The following ZFP1 variants were observed in gnomAD, a reference collection of about 807,000 sequenced individuals.
The protein encoded by ZFP1 is ZFP1 zinc finger protein.
A neutral mutation model predicts 38.5 loss-of-function variants in ZFP1; 32 were observed. The ratio of observed to expected loss-of-function variants is 0.83; its 90% CI spans 0.63 to 1.12. ZFP1 has a LOEUF of 1.12. Ranked by LOEUF, ZFP1 falls within the 50% of genes most tolerant of loss-of-function variation. The pLI is 0.00. For synonymous variants in ZFP1, 245 were observed against 168.8 expected, an observed-to-expected ratio of 1.45 and a Z score of -3.50; for missense variants, 616 against 480.8, an observed-to-expected ratio of 1.28 and a Z score of -2.63.
rs188011665 is a variant in ZFP1 at position 75,155,605 on chromosome 16, C to T, written c.15+2639C>T. Among the ~76,000 whole-genome samples, 596 of 152,110 alleles carry T rather than the reference C, an allele frequency of 3.9e-3. 3 individuals carry two copies. The highest frequency in any genetic ancestry group is 0.014 in the African/African-American group (572 of 41,490). The stretch of plus-strand genomic sequence containing the variant: ...AAATGTGTTATAACAACATATATAA[C>T]AAATATATATGCATTAAAGAATAAT... On this transcript the variant is annotated intron_variant, in intron 2 of 3. Transcript: ENST00000570010.
At chr16:75,168,184 G>C (rs917556746) in intron 3 of ZFP1, among the ~76,000 whole-genome samples, 1 of 151,736 alleles carries the variant, frequency 6.6e-6, no homozygotes, top group African/African-American at 2.4e-5. Flanking sequence ...ATTGCTATGT[G>C]AAAGGGTAGT....
chr16:75,132,983 C>CTT, the ZFP1 span, among the ~76,000 whole-genome samples: 1 of 140,146 alleles, frequency 7.1e-6, no homozygotes, highest in African/African-American at 2.6e-5. Context: ...GATTTTTTAA[C>CTT]TTTTTTTTTT....
At position 75,170,038 on chromosome 16, in the gene ZFP1, A is replaced by C; in HGVS notation, c.928A>C (p.Asn310His). The C allele has an allele frequency of 6.2e-7, 1 of 1,614,212 alleles. No homozygotes were observed. Among genetic ancestry groups the C allele is most frequent in the Non-Finnish European group, 8.5e-7 (1 of 1,180,042 alleles). The change falls in exon 4 of 4, where the codon AAC (asparagine) becomes CAC (histidine). Residue 310 changes from asparagine to histidine, a missense_variant. Coordinates refer to ENST00000570010, the MANE Select transcript of ZFP1 (RefSeq NM_153688.4). ...ECAKTFFKKS[N>H]LIIHQKIHTG... ...TGCAAAAACCTTCTTTAAGAAGTCA[A>C]ACCTTATCATACATCAGAAGATTCA... is the stretch of plus-strand genomic sequence containing the variant.
At chr16:75,148,925 A>AAGGGCTCGGGCCGCGC (rs2037027828) in intron 1 of ZFP1, 1 of 151,914 alleles carries the variant, frequency 6.6e-6, no homozygotes, top group Admixed American at 6.5e-5. Flanking sequence ...ACGGGCGGCG[A>AAGGGCTCGGGCCGCGC]AGGGCTCGGG....
At chr16:75,165,236 C>CTAGT (rs537121673) in intron 2 of ZFP1, among the ~76,000 whole-genome samples, 1 of 152,168 alleles carries the variant, frequency 6.6e-6, no homozygotes, top group East Asian at 1.9e-4. Context: ...AAGGAAAAAT[C>CTAGT]TAGTTAGTTA....
At chr16:75,148,073 A>G (rs2036979038), upstream of ZFP1, among the ~76,000 whole-genome samples, 1 of 152,226 alleles carries the variant, frequency 6.6e-6, no homozygotes, top group South Asian at 2.1e-4. Context: ...AAGGGAAAAA[A>G]GCTAGTTGCA....
upstream of ZFP1, among the ~76,000 whole-genome samples, chr16:75,146,814 C>T (rs1035393313): frequency 4.6e-5 from 7 of 151,870 alleles, no homozygotes; most frequent in Admixed American, 2.6e-4. Context: ...GCTGTGTATG[C>T]CTGTAGTTTT....
the ZFP1 span, among the ~76,000 whole-genome samples, chr16:75,141,522 G>A: frequency 0.018 from 2,705 of 151,910 alleles, 75 homozygotes; most frequent in African/African-American, 0.062. Context: ...GGTCATTCTT[G>A]TCATATCCAA....
At chr16:75,126,086 T>C in the ZFP1 span, 1 of 152,032 alleles carries the variant, frequency 6.6e-6, no homozygotes, top group African/African-American at 2.4e-5. Flanking sequence ...GTTTTCACTG[T>C]ATTTTTTAAA....
intron 1 of ZFP1, among the ~76,000 whole-genome samples, chr16:75,150,237 C>A (rs1487738627): frequency 7.4e-6 from 1 of 134,508 alleles, no homozygotes. Context: ...GAGACAGAGT[C>A]TCGCTCTGTT....
At chr16:75,127,179 C>T in the ZFP1 span, among the ~76,000 whole-genome samples, 1 of 152,158 alleles carries the variant, frequency 6.6e-6, no homozygotes, top group Non-Finnish European at 1.5e-5. Flanking sequence ...TTTGGTTTTA[C>T]AATCAGCTAT....
chr16:75,150,700 C>T lies in ZFP1; in HGVS notation c.-44+2057C>T, dbSNP rs578110759. ...GACCTTGGCCTCCCAAAGTGCTTTA[C>T]AGGCGTGAGCCACTGCACCAGGCCT... is the stretch of plus-strand genomic sequence containing the variant. On this transcript the variant is annotated intron_variant, in intron 1 of 3. Transcript: ENST00000570010. 7.9e-5 allele frequency among the ~76,000 whole-genome samples: 12 copies of T among 152,122 alleles called. 1 individual carries two copies. The highest frequency in any genetic ancestry group is 2.9e-4 in the African/African-American group (12 of 41,512).
intron 2 of ZFP1, among the ~76,000 whole-genome samples, chr16:75,158,320 G>T (rs900653424): frequency 3.3e-4 from 50 of 151,242 alleles, no homozygotes; most frequent in African/African-American, 1.2e-3. Context: ...CCTTGATCCA[G>T]CCTATTTCTG....
chr16:75,128,556 A>T, the ZFP1 span, among the ~76,000 whole-genome samples: 1 of 152,194 alleles, frequency 6.6e-6, no homozygotes, highest in Non-Finnish European at 1.5e-5. Flanking sequence ...ATATTTTTCA[A>T]TTCTTATTAT....
chr16:75,168,061 A>C (rs1321354758), intron 3 of ZFP1, among the ~76,000 whole-genome samples: 1 of 151,330 alleles, frequency 6.6e-6, no homozygotes, highest in Admixed American at 6.6e-5. Flanking sequence ...ACCCCATCTC[A>C]AAAAAACAAA....
the ZFP1 span, among the ~76,000 whole-genome samples, chr16:75,139,060 T>C: frequency 6.6e-6 from 1 of 152,004 alleles, no homozygotes; most frequent in Non-Finnish European, 1.5e-5. Flanking sequence ...AATACCTATC[T>C]AGTAATCCCT....
chr16:75,130,337 G>T, the ZFP1 span, among the ~76,000 whole-genome samples: 15 of 152,210 alleles, frequency 9.9e-5, no homozygotes, highest in Non-Finnish European at 1.9e-4. Context: ...GCTTCTGGGG[G>T]TCTTGCAGCC....
chr16:75,119,059 A>G, the ZFP1 span, among the ~76,000 whole-genome samples: 6 of 152,214 alleles, frequency 3.9e-5, no homozygotes, highest in Non-Finnish European at 7.3e-5. Context: ...AGTCTCCCCA[A>G]AATGTATAAA....
chr16:75,133,234 C>T, the ZFP1 span, among the ~76,000 whole-genome samples: 118 of 152,324 alleles, frequency 7.7e-4, no homozygotes, highest in African/African-American at 2.6e-3. Flanking sequence ...GCTTTGGCCT[C>T]CCAAAGTGCT....
Sources: allele counts gnomAD v4.1 joint callset (sites outside exome capture counted in the v4.1 genomes callset), GRCh38; gene constraint gnomAD v4.1.1; transcripts MANE v1.5; gene names NCBI Gene and HGNC (gene_info 2026-07-23, HGNC 2026-07-21).